Variants in SKA3 observed in about 807,000 individuals in gnomAD.
SKA3 encodes spindle and kinetochore-associated protein 3.
SKA3 carries 39 observed loss-of-function variants against 44.2 expected under a neutral mutation model. The ratio of observed to expected loss-of-function variants is 0.88; its 90% confidence interval spans 0.68 to 1.15. The LOEUF is 1.15. Ranked by LOEUF, SKA3 falls within the 50% of genes most tolerant of loss-of-function variation. SKA3 has a pLI of 0.00. For synonymous variants in SKA3, 192 were observed against 172.0 expected, an observed-to-expected ratio of 1.12 and a Z score of -0.91; for missense variants, 511 against 485.8, an observed-to-expected ratio of 1.05 and a Z score of -0.49.
rs1450335980 is a variant in SKA3, at chr13:21,157,091, T to G, written c.1119+831A>C. Among the ~76,000 whole-genome samples, 5 of 151,900 alleles carry G rather than the reference T, an allele frequency of 3.3e-5. 2 individuals are homozygous for G. The highest frequency in any genetic ancestry group is 1.2e-4 in the African/African-American group (5 of 41,358). On this transcript the variant is annotated intron_variant, in intron 7 of 8. Transcript: ENST00000314759. The stretch of plus-strand genomic sequence containing the variant: ...CAAAAAAAAAACAAAAAAAAAGAAT[T>G]CCACACGTGTAAGTAATAATTGCCA...
At chr13:21,166,901 T>C (rs1377743000) in intron 4 of SKA3, among the ~76,000 whole-genome samples, 1 of 152,212 alleles carries the variant, frequency 6.6e-6, no homozygotes, top group Non-Finnish European at 1.5e-5. Context: ...CCCAGAGTTG[T>C]GGGGTTTTTT....
At position 21,161,778 on chromosome 13, in the gene SKA3, T is replaced by A; in HGVS notation, c.829+12A>T. The A allele has an allele frequency of 6.2e-7, 1 of 1,602,770 alleles. No individual in the cohort carries two copies. The highest frequency in any genetic ancestry group is 8.5e-7 in the Non-Finnish European group (1 of 1,171,326). On this transcript the variant is annotated intron_variant, in intron 5 of 8. Transcript: ENST00000314759. ...AAATGTTCCTGAGAAGTAACTTGAT[T>A]CTTATACTTACCACTTTTTTCCAAC...
chr13:21,158,732 T>C (rs1269413838), intron 6 of SKA3, among the ~76,000 whole-genome samples: 3 of 152,186 alleles, frequency 2.0e-5, no homozygotes, highest in African/African-American at 7.2e-5. Flanking sequence ...ACAGTGAGTG[T>C]AGTCAGACGA....
intron 1 of SKA3, 39 bp from the exon 2 acceptor site, chr13:21,172,720 T>C: frequency 1.6e-6 from 2 of 1,278,464 alleles, no homozygotes; most frequent in Non-Finnish European, 2.2e-6. Context: ...GTCCAATAAA[T>C]GTAAGGAAAA....
intron 6 of SKA3, 147 bp from the exon 7 acceptor site, chr13:21,158,272 G>GGTGACTGAGTC: frequency 1.7e-6 from 1 of 591,494 alleles, no homozygotes; most frequent in Non-Finnish European, 3.0e-6. Context: ...ACAAAATCAA[G>GGTGACTGAGTC]AACAAATGGC....
At chr13:21,167,473 A>G (rs1356703035) in intron 4 of SKA3, among the ~76,000 whole-genome samples, 1 of 152,134 alleles carries the variant, frequency 6.6e-6, no homozygotes, top group Non-Finnish European at 1.5e-5. Context: ...CCTTACCACT[A>G]AAGAACTTAT....
At chr13:21,174,780 C>CAAA (rs1386325425) in intron 1 of SKA3, among the ~76,000 whole-genome samples, 68 of 151,644 alleles carry the variant, frequency 4.5e-4, no homozygotes, top group African/African-American at 1.6e-3. Flanking sequence ...ACAACAACAA[C>CAAA]AACAACAACA....
intron 4 of SKA3, among the ~76,000 whole-genome samples, chr13:21,165,452 T>A (rs1225461694): frequency 6.6e-6 from 1 of 151,896 alleles, no homozygotes; most frequent in East Asian, 1.9e-4. Context: ...AATAAATACA[T>A]AAAGAAAGAA....
Position 21,155,105 on chromosome 13 carries a change from A to C in SKA3, c.*45T>G. ...TTAAAATCGGTCCAGCTCGGCTTTCATCTCATTTTGTTCAGTTTCTGTGTT... is the reference window on the plus strand; with the variant it reads ...TTAAAATCGGTCCAGCTCGGCTTTCCTCTCATTTTGTTCAGTTTCTGTGTT... On this transcript the variant is annotated 3_prime_UTR_variant, in exon 9 of 9. Coordinates refer to ENST00000314759, the MANE Select transcript of SKA3 (RefSeq NM_145061.6). 2 of 1,611,786 alleles carry C rather than the reference A, an allele frequency of 1.2e-6. No homozygotes were observed. The highest frequency in any genetic ancestry group is 8.5e-7 in the Non-Finnish European group (1 of 1,178,698).
chr13:21,156,889 TCTCTAC>T, intron 7 of SKA3, among the ~76,000 whole-genome samples: 1 of 32,684 alleles, frequency 3.1e-5, no homozygotes, highest in Non-Finnish European at 7.1e-5. Flanking sequence ...TGAAACCCTG[TCTCTAC>T]TAAAAATACA....
At chr13:21,171,838 A>G (rs7337129) in intron 3 of SKA3, among the ~76,000 whole-genome samples, 139,926 of 152,272 alleles carry the variant, frequency 0.92, 64,560 homozygotes, top group East Asian at 1. Context: ...AGGCATTTTG[A>G]CTCCAAATTC....
rs753809986 is a variant in SKA3, at chr13:21,172,512, G to A, written c.166-8C>T. 4.0e-5 allele frequency: 47 copies of A among 1,167,946 alleles called. No individual in the cohort carries two copies. The East Asian group carries it at 9.8e-4, about 24-fold the overall frequency. The allele number at this position is 1,167,946 out of a possible 1,614,324, so 72.3% of individuals were successfully genotyped here. On this transcript the variant is annotated splice_polypyrimidine_tract_variant and splice_region_variant and intron_variant, in intron 2 of 8. Transcript: ENST00000314759. The stretch of plus-strand genomic sequence containing the variant: ...AAGAATATTAACATCATCCTTTTAT[G>A]AATAAAGAAAGTACATTTTAATTTC...
chr13:21,169,797 C>T (rs992572076), intron 3 of SKA3, among the ~76,000 whole-genome samples: 2 of 152,060 alleles, frequency 1.3e-5, no homozygotes, highest in African/African-American at 4.8e-5. Context: ...CCACCATGCC[C>T]AGATAATTTT....
intron 4 of SKA3, among the ~76,000 whole-genome samples, chr13:21,163,390 A>T (rs1437501684): frequency 6.6e-6 from 1 of 152,174 alleles, no homozygotes; most frequent in Non-Finnish European, 1.5e-5. Flanking sequence ...ACTATAAATG[A>T]AATAATAGTG....
intron 3 of SKA3, among the ~76,000 whole-genome samples, chr13:21,169,041 T>C (rs2137376758): frequency 6.6e-6 from 1 of 152,042 alleles, no homozygotes; most frequent in South Asian, 2.1e-4. Context: ...TTTTTTTTCT[T>C]TCTCAGACTT....
chr13:21,168,633 C>T (rs1041727855), intron 3 of SKA3, among the ~76,000 whole-genome samples: 7 of 152,056 alleles, frequency 4.6e-5, no homozygotes, highest in South Asian at 2.1e-4. Flanking sequence ...CTCAAGTGAT[C>T]GTCCCATCTC....
chr13:21,163,335 T>C (rs1426544792), intron 4 of SKA3, among the ~76,000 whole-genome samples: 3 of 152,234 alleles, frequency 2.0e-5, no homozygotes, highest in African/African-American at 7.2e-5. Context: ...GTACTTTAAC[T>C]ACTTGTGTAC....
chr13:21,173,447 G>GGT (rs1871198719), intron 1 of SKA3, among the ~76,000 whole-genome samples: 1 of 152,114 alleles, frequency 6.6e-6, no homozygotes, highest in Admixed American at 6.6e-5. Flanking sequence ...ATAGAGATGG[G>GGT]GGTTTCACCA....
rs1870807817 is a variant in SKA3 at position 21,167,969 on chromosome 13, T to C, written c.743+19A>G. 3.3e-6 allele frequency: 5 copies of C among 1,528,050 alleles called. No homozygotes were observed. The highest frequency in any genetic ancestry group is 4.4e-6 in the Non-Finnish European group (5 of 1,137,074). 94.7% of individuals were successfully genotyped at this position (1,528,050 alleles called of 1,614,324 possible). A position where few individuals can be genotyped will look rare whatever the true frequency, so the allele number is the denominator to read the frequency against. On this transcript the variant is annotated intron_variant, in intron 4 of 8. Coordinates refer to ENST00000314759, the MANE Select transcript of SKA3 (RefSeq NM_145061.6). ...TTTAGAAAGCTAGATAAAATATGCCTTTTAACAGAGCTGCTTACCTTTTAT... is the reference window on the plus strand; with the variant it reads ...TTTAGAAAGCTAGATAAAATATGCCCTTTAACAGAGCTGCTTACCTTTTAT...
Sources: gnomAD v4.1 joint callset for allele counts (sites outside exome capture counted in the v4.1 genomes callset) on GRCh38, gnomAD v4.1.1 for gene constraint, MANE v1.5 for transcripts, NCBI Gene and HGNC (gene_info 2026-07-23, HGNC 2026-07-21) for gene names.